Variants in AP2B1 observed in about 807,000 individuals in gnomAD.
The protein encoded by AP2B1 is adaptor related protein complex 2 subunit beta 1, also known as AP-2 complex subunit beta.
Under a neutral mutation model 102.0 loss-of-function variants are expected in AP2B1, and 23 were observed. That is an observed-to-expected ratio of 0.23 (90% CI 0.16 to 0.32). The LOEUF (loss-of-function observed/expected upper bound fraction) is 0.32. Among genes scored for constraint, AP2B1 ranks in the 10% least tolerant of loss-of-function variants. AP2B1 has a pLI of 1.00. For synonymous variants in AP2B1, 381 were observed against 421.2 expected, an observed-to-expected ratio of 0.90 and a Z score of 1.17; for missense variants, 541 against 1,157.4, an observed-to-expected ratio of 0.47 and a Z score of 7.73.
intron 18 of AP2B1, among the ~76,000 whole-genome samples, chr17:35,701,800 A>G (rs1298459604): frequency 2.6e-5 from 4 of 152,152 alleles, no homozygotes; most frequent in Admixed American, 2.6e-4. Flanking sequence ...TTGTTTTGAT[A>G]GAGACAAGGT....
Position 35,608,382 on chromosome 17 carries a change from C to T in AP2B1, c.520C>T (p.Pro174Ser), listed in dbSNP as rs1367805694. 2 of 1,614,114 alleles carry T rather than the reference C, an allele frequency of 1.2e-6. No homozygotes were observed. ...SLRDLIADSN[P>S]MVVANAVAAL... Reference sequence around the variant, plus strand: ...ACGGGATCTCATAGCAGATTCAAATCCAATGGTAATAAGCTTCTGCTTTTA... The same window carrying T: ...ACGGGATCTCATAGCAGATTCAAATTCAATGGTAATAAGCTTCTGCTTTTA... The change falls in exon 5 of 22, where the codon CCA becomes TCA. Residue 174 changes from proline (P) to serine (S), a missense_variant. Physicochemically the swap from Pro to Ser is moderately conservative, Grantham distance 74. Coordinates refer to ENST00000610402, the MANE Select transcript of AP2B1 (RefSeq NM_001030006.2).
intron 18 of AP2B1, among the ~76,000 whole-genome samples, chr17:35,698,781 A>C (rs996895669): frequency 6.6e-6 from 1 of 152,240 alleles, no homozygotes; most frequent in Non-Finnish European, 1.5e-5. Context: ...AATCTATTTC[A>C]GTTGCAAAAT....
At chr17:35,595,011 G>C (rs1254773515) in intron 2 of AP2B1, among the ~76,000 whole-genome samples, 2 of 152,182 alleles carry the variant, frequency 1.3e-5, no homozygotes, top group African/African-American at 4.8e-5. Flanking sequence ...CTGTGCTTTT[G>C]TGTTCAGGAG....
intron 14 of AP2B1, among the ~76,000 whole-genome samples, chr17:35,661,416 C>T (rs1287871567): frequency 6.6e-6 from 1 of 152,192 alleles, no homozygotes; most frequent in Non-Finnish European, 1.5e-5. Flanking sequence ...ATGTTAAAAA[C>T]TGATCTCTAA....
At chr17:35,678,506 G>T (rs1438909640) in intron 17 of AP2B1, among the ~76,000 whole-genome samples, 1 of 152,180 alleles carries the variant, frequency 6.6e-6, no homozygotes, top group Non-Finnish European at 1.5e-5. Flanking sequence ...TTAGCCATAG[G>T]TTTTTCGTGG....
At chr17:35,633,786 C>CGGAA in intron 9 of AP2B1, among the ~76,000 whole-genome samples, 1 of 152,154 alleles carries the variant, frequency 6.6e-6, no homozygotes, top group Non-Finnish European at 1.5e-5. Flanking sequence ...ATTGAATATT[C>CGGAA]AGTACATGTT....
intron 5 of AP2B1, among the ~76,000 whole-genome samples, chr17:35,610,047 C>A (rs1196644296): frequency 1.3e-5 from 2 of 152,164 alleles, no homozygotes; most frequent in Admixed American, 6.5e-5. Context: ...AGTGCAGATG[C>A]TTTAACCATG....
intron 2 of AP2B1, chr17:35,596,956 G>C (rs1233434814): frequency 2.9e-6 from 2 of 684,538 alleles, no homozygotes; most frequent in Non-Finnish European, 5.5e-6. Context: ...GGAACCAGGA[G>C]AAGAAAGCTG....
chr17:35,680,960 G>T (rs2075812299), intron 17 of AP2B1, among the ~76,000 whole-genome samples: 1 of 152,064 alleles, frequency 6.6e-6, no homozygotes, highest in South Asian at 2.1e-4. Context: ...CTCCCAAAGT[G>T]CTGAGACTAC....
chr17:35,659,694 G>A, intron 14 of AP2B1: 1 of 611,722 alleles, frequency 1.6e-6, no homozygotes, highest in East Asian at 1.4e-4. Flanking sequence ...GCCCAGTTAT[G>A]TTTTTATGTA....
chr17:35,605,636 A>G, intron 3 of AP2B1, 69 bp from the exon 4 acceptor site: 5 of 1,084,606 alleles, frequency 4.6e-6, no homozygotes, highest in South Asian at 1.5e-5. Context: ...AAGGCTATTC[A>G]TGTTCTGTCC....
At chr17:35,627,764 A>G in intron 9 of AP2B1, 38 bp downstream of exon 9, 1 of 1,499,858 alleles carries the variant, frequency 6.7e-7, no homozygotes, top group Non-Finnish European at 9.1e-7. Flanking sequence ...TGTATTGGGG[A>G]TTCTGAGAGT....
chr17:35,608,538 T>C lies in AP2B1; in HGVS notation c.525+151T>C, dbSNP rs1249831123. 5 of 1,003,964 alleles carry C rather than the reference T, an allele frequency of 5.0e-6. No individual in the cohort carries two copies. The African/African-American group carries it at 6.5e-5, about 13-fold the overall frequency. 62.2% of individuals were successfully genotyped at this position (1,003,964 alleles called of 1,614,324 possible). A position where few individuals can be genotyped will look rare whatever the true frequency, so the allele number is the denominator to read the frequency against. On this transcript the variant is annotated intron_variant, in intron 5 of 21. Coordinates refer to ENST00000610402, the MANE Select transcript of AP2B1 (RefSeq NM_001030006.2). ...TGTGTCTCACAGATTGTATATTTCATATCCTAGGTGTTTTTGAGGTGAGAA... is the reference window on the plus strand; with the variant it reads ...TGTGTCTCACAGATTGTATATTTCACATCCTAGGTGTTTTTGAGGTGAGAA...
At chr17:35,650,481 T>A in intron 12 of AP2B1, 49 bp from the exon 13 acceptor site, 1 of 1,591,840 alleles carries the variant, frequency 6.3e-7, no homozygotes, top group African/African-American at 1.3e-5. Flanking sequence ...TGGGTTTCTG[T>A]ATGGAGAACA....
chr17:35,665,983 T>G (rs1363947237), intron 14 of AP2B1, among the ~76,000 whole-genome samples: 2 of 152,268 alleles, frequency 1.3e-5, no homozygotes, highest in African/African-American at 4.8e-5. Context: ...AAATTCCTTT[T>G]CAAATTTTCT....
intron 20 of AP2B1, among the ~76,000 whole-genome samples, 165 bp downstream of exon 20, chr17:35,710,485 G>C (rs771320226): frequency 6.6e-6 from 1 of 152,044 alleles, no homozygotes; most frequent in East Asian, 1.9e-4. Flanking sequence ...GTTTAAAAAC[G>C]TGATATGTTT....
chr17:35,621,987 A>G (rs1443248578), intron 5 of AP2B1, among the ~76,000 whole-genome samples: 3 of 152,172 alleles, frequency 2.0e-5, no homozygotes, highest in East Asian at 1.9e-4. Context: ...TGGCCTTCTG[A>G]TATGATATTT....
chr17:35,663,390 G>A (rs181815484), intron 14 of AP2B1, among the ~76,000 whole-genome samples: 30 of 152,270 alleles, frequency 2.0e-4, no homozygotes, highest in Non-Finnish European at 4.0e-4. Context: ...ATTGGTATTG[G>A]ACCCCATTTT....
At position 35,659,250 on chromosome 17, in the gene AP2B1, A is replaced by G. The variant is rs540184179; in HGVS notation, c.1989+1459A>G. On this transcript the variant is annotated intron_variant, in intron 14 of 21. Coordinates refer to ENST00000610402, the MANE Select transcript of AP2B1 (RefSeq NM_001030006.2). ...TAAATATTGCATCCTCCTCAAGTTT[A>G]TTACATTCCCTGGTGGGGAAGCTTA... 8.5e-5 allele frequency among the ~76,000 whole-genome samples: 13 copies of G among 152,310 alleles called. No homozygotes were observed. In the East Asian group the frequency reaches 2.5e-3, roughly 29 times the overall value.
Sources: gnomAD v4.1 joint callset for allele counts (sites outside exome capture counted in the v4.1 genomes callset) on GRCh38, gnomAD v4.1.1 for gene constraint, MANE v1.5 for transcripts, NCBI Gene and HGNC (gene_info 2026-07-23, HGNC 2026-07-21) for gene names.